Variants in DAAM2 observed in about 807,000 individuals in gnomAD.
DAAM2 encodes dishevelled associated activator of morphogenesis 2.
A neutral mutation model predicts 120.7 loss-of-function variants in DAAM2; 39 were observed. The observed-to-expected ratio is 0.32, with a 90% CI of 0.25 to 0.42. The LOEUF (loss-of-function observed/expected upper bound fraction) is 0.42, where lower values mean the gene tolerates loss of function less well. DAAM2 is among the 10% of genes least tolerant of loss of function. The pLI, the probability that DAAM2 is intolerant of heterozygous loss-of-function variation, is 1.00. For synonymous variants in DAAM2, 488 were observed against 524.9 expected (o/e 0.93, Z 0.96); for missense variants, 1,283 against 1,401.7 (o/e 0.92, Z 1.35).
chr6:39,824,561 G>A (rs1762601715), intron 1 of DAAM2, among the ~76,000 whole-genome samples: 1 of 152,126 alleles, frequency 6.6e-6, no homozygotes, highest in Non-Finnish European at 1.5e-5. Flanking sequence ...TCCCATGTTA[G>A]CATTTTCAGT....
chr6:39,869,053 G>T (rs1161959026), intron 7 of DAAM2, 120 bp downstream of exon 7: 11 of 747,662 alleles, frequency 1.5e-5, no homozygotes, highest in Non-Finnish European at 2.5e-5. Flanking sequence ...GGCTCCTGGG[G>T]AGTTGCCTAC....
chr6:39,881,339 A>G (rs1765106146), intron 14 of DAAM2, among the ~76,000 whole-genome samples: 1 of 152,244 alleles, frequency 6.6e-6, no homozygotes, highest in African/African-American at 2.4e-5. Context: ...CCCAATGCCA[A>G]GCTTTTAATT....
At chr6:39,867,478 AAT>A in intron 5 of DAAM2, 30 bp from the exon 6 acceptor site, 3 of 1,602,896 alleles carry the variant, frequency 1.9e-6, no homozygotes, top group Non-Finnish European at 2.6e-6. Flanking sequence ...ATCATATGCA[AAT>A]ATATGTTTGT....
intron 3 of DAAM2, among the ~76,000 whole-genome samples, chr6:39,863,910 A>G (rs1473941740): frequency 6.6e-6 from 1 of 152,108 alleles, no homozygotes; most frequent in Non-Finnish European, 1.5e-5. Context: ...CTATTTTTCT[A>G]AAGTTACTAT....
intron 1 of DAAM2, among the ~76,000 whole-genome samples, chr6:39,809,427 A>G (rs1282675098): frequency 3.3e-5 from 5 of 152,160 alleles, no homozygotes; most frequent in Admixed American, 2.0e-4. Flanking sequence ...AGACCTGGCT[A>G]TCTGCTCGGT....
chr6:39,846,604 G>A (rs951317049), intron 1 of DAAM2, among the ~76,000 whole-genome samples: 2 of 151,976 alleles, frequency 1.3e-5, no homozygotes, highest in Non-Finnish European at 2.9e-5. Flanking sequence ...TGAGCAGAAG[G>A]TTTAGGGTGG....
intron 14 of DAAM2, chr6:39,879,828 C>T: frequency 2.4e-6 from 1 of 408,668 alleles, no homozygotes; most frequent in South Asian, 2.2e-5. Context: ...AAGCAAAGAG[C>T]TTGGGCCAGC....
At chr6:39,838,963 CT>C (rs77484110) in intron 1 of DAAM2, among the ~76,000 whole-genome samples, 16,292 of 152,004 alleles carry the variant, frequency 0.11, 1,798 homozygotes, top group East Asian at 0.36. Context: ...CTGGCCAGGA[CT>C]TTCAGTTTTA....
At chr6:39,797,701 C>A (rs305850) in intron 1 of DAAM2, among the ~76,000 whole-genome samples, 1 of 152,064 alleles carries the variant, frequency 6.6e-6, no homozygotes, top group Admixed American at 6.6e-5. Flanking sequence ...TGAAAAGCAC[C>A]AAAGTTAGGA....
At chr6:39,842,267 A>G (rs1207710670) in intron 1 of DAAM2, among the ~76,000 whole-genome samples, 2 of 152,206 alleles carry the variant, frequency 1.3e-5, no homozygotes, top group African/African-American at 4.8e-5. Context: ...CCTGCTGCAC[A>G]CATTCCACTG....
At chr6:39,843,495 C>T (rs1212312369) in intron 1 of DAAM2, among the ~76,000 whole-genome samples, 3 of 152,340 alleles carry the variant, frequency 2.0e-5, no homozygotes, top group East Asian at 1.9e-4. Context: ...CCAGCCAGGC[C>T]GCTCTTCCTG....
chr6:39,797,688 G>A (rs976323563), intron 1 of DAAM2, among the ~76,000 whole-genome samples: 10 of 152,288 alleles, frequency 6.6e-5, no homozygotes, highest in Middle Eastern at 3.4e-3. Context: ...GGTCTAAGAG[G>A]AGTGAAAAGC....
intron 1 of DAAM2, among the ~76,000 whole-genome samples, chr6:39,814,456 T>C (rs1179216849): frequency 1.3e-5 from 2 of 152,202 alleles, no homozygotes; most frequent in Non-Finnish European, 2.9e-5. Context: ...GGGGTTGGCG[T>C]TGGCGTTGGG....
intron 1 of DAAM2, among the ~76,000 whole-genome samples, chr6:39,831,951 AGGGTAGGT>A (rs1762924293): frequency 3.5e-5 from 1 of 28,866 alleles, no homozygotes; most frequent in Non-Finnish European, 6.0e-5. Flanking sequence ...GGGGCACTGG[AGGGTAGGT>A]GCACTGGGGG....
intron 11 of DAAM2, 38 bp downstream of exon 11, chr6:39,875,506 C>T (rs779058423): frequency 4.4e-6 from 7 of 1,596,460 alleles, no homozygotes; most frequent in East Asian, 4.5e-5. Flanking sequence ...CTTCCTCCAC[C>T]TTCCTCATCA....
chr6:39,813,550 T>C (rs114117957), intron 1 of DAAM2, among the ~76,000 whole-genome samples: 2,368 of 152,150 alleles, frequency 0.016, 24 homozygotes, highest in Middle Eastern at 0.024. Context: ...TAGGAGGATA[T>C]GAAGTTGCTT....
chr6:39,872,731 A>C (rs908850816), intron 9 of DAAM2, among the ~76,000 whole-genome samples: 20 of 152,212 alleles, frequency 1.3e-4, no homozygotes, highest in Admixed American at 5.9e-4. Flanking sequence ...CTTGCCTGTC[A>C]TCACACAACT....
intron 1 of DAAM2, among the ~76,000 whole-genome samples, chr6:39,831,774 G>A (rs1232653769): frequency 5.2e-4 from 52 of 100,486 alleles, no homozygotes; most frequent in Middle Eastern, 5.2e-3. Flanking sequence ...GGAGGCAGGT[G>A]TACTGAGGGG....
chr6:39,858,697 C>A (rs543901536), intron 2 of DAAM2, among the ~76,000 whole-genome samples: 2 of 152,112 alleles, frequency 1.3e-5, no homozygotes, highest in Non-Finnish European at 2.9e-5. Context: ...AGTAACTCTA[C>A]ATAAGTACAT....
Sources: allele counts gnomAD v4.1 joint callset (sites outside exome capture counted in the v4.1 genomes callset), GRCh38; gene constraint gnomAD v4.1.1; transcripts MANE v1.5; gene names NCBI Gene and HGNC (gene_info 2026-07-23, HGNC 2026-07-21).